RBM12: variants seen among roughly 807,000 people sequenced by gnomAD.
RBM12 encodes the protein RNA-binding protein 12.
A neutral mutation model predicts 37.2 loss-of-function variants in RBM12; 24 were observed. The observed-to-expected ratio is 0.65, with a 90% confidence interval of 0.47 to 0.91. The LOEUF (loss-of-function observed/expected upper bound fraction) is 0.91. Ranked by LOEUF, RBM12 falls within the 40% of genes least tolerant of loss-of-function variation. RBM12 has a pLI of 0.00. For missense variants in RBM12, 1,061 were observed against 1,183.2 expected, an observed-to-expected ratio of 0.90 and a Z score of 1.52; for synonymous variants, 420 against 425.2, an observed-to-expected ratio of 0.99 and a Z score of 0.15.
At chr20:35,661,665 T>C (rs1006500384) in intron 1 of RBM12, among the ~76,000 whole-genome samples, 3 of 152,204 alleles carry the variant, frequency 2.0e-5, no homozygotes, top group Admixed American at 2.0e-4. Context: ...AAATTTAACA[T>C]ATTATGGCAA....
chr20:35,659,659 T>G (rs1462980919), intron 1 of RBM12, among the ~76,000 whole-genome samples: 2 of 152,002 alleles, frequency 1.3e-5, no homozygotes, highest in African/African-American at 2.4e-5. Context: ...CTTGTAAAAT[T>G]TAAATAAATA....
At chr20:35,656,752 C>T (rs1402515585) in intron 2 of RBM12, among the ~76,000 whole-genome samples, 3 of 152,132 alleles carry the variant, frequency 2.0e-5, no homozygotes, top group Non-Finnish European at 2.9e-5. Flanking sequence ...GGTGATCCAC[C>T]CTCCTCAGTC....
At position 35,650,880 on chromosome 20, in the gene RBM12, C is replaced by T. The variant is rs1041542548; in HGVS notation, c.*1644G>A. 4 of 152,490 alleles carry T rather than the reference C, an allele frequency of 2.6e-5. No individual in the cohort carries two copies. Among genetic ancestry groups the T allele is most frequent in the Non-Finnish European group, 5.9e-5 (4 of 68,000 alleles). The allele number at this position is 152,490 out of a possible 1,614,324, so 9.4% of individuals were successfully genotyped here. A position where few individuals can be genotyped will look rare whatever the true frequency, so the allele number is the denominator to read the frequency against. On this transcript the variant is annotated 3_prime_UTR_variant, in exon 3 of 3. Coordinates refer to ENST00000374114, the MANE Select transcript of RBM12 (RefSeq NM_006047.6). ...GAAATACTTATTTTAAAAGACTGAC[C>T]CCTTTGTAACTACGCTGATTTGTAG...
Position 35,651,065 on chromosome 20 carries a change from G to A in RBM12, c.*1459C>T, listed in dbSNP as rs942490990. 9.9e-5 allele frequency: 15 copies of A among 152,226 alleles called. No individual in the cohort carries two copies. Among genetic ancestry groups the A allele is most frequent in the African/African-American group, 3.6e-4 (15 of 41,434 alleles). 9.4% of individuals were successfully genotyped at this position (152,226 alleles called of 1,614,324 possible). ...AGTAACCATAACTAGAGCCCTGTAA[G>A]GCCAAGTTTTTCATCACAAGGAAAG... On this transcript the variant is annotated 3_prime_UTR_variant, in exon 3 of 3. Transcript: ENST00000374114.
In RBM12 at chr20:35,654,831, A is replaced by G. The variant is rs959676201; in HGVS notation, c.492T>C (p.Ala164=). ...AGCTAAACGTTGGGCTCCCAAAGGAAGCCCCCATATTTGGAGGAGCTGTTC... is the reference window on the plus strand; with the variant it reads ...AGCTAAACGTTGGGCTCCCAAAGGAGGCCCCCATATTTGGAGGAGCTGTTC... ...SVGTAPPNMG[A]SFGSPTFSST... Residue 164 remains alanine (A), a synonymous_variant, in exon 3 of 3, where the codon GCT becomes GCC. Transcript: ENST00000374114. 2 of 1,614,228 alleles carry G rather than the reference A, an allele frequency of 1.2e-6. No homozygotes were observed. The highest frequency in any genetic ancestry group is 1.3e-5 in the African/African-American group (1 of 75,052).
rs1489245900 is a variant in RBM12, at chr20:35,653,987, C to T, written c.1336G>A (p.Val446Ile). The T allele has an allele frequency of 6.2e-7, 1 of 1,614,006 alleles. No individual in the cohort carries two copies. Among genetic ancestry groups the T allele is most frequent in the East Asian group, 2.2e-5 (1 of 44,898 alleles). Residue 446 changes from valine to isoleucine, a missense_variant, in exon 3 of 3, where the codon GTC becomes ATC. By Grantham distance (29) the Val-to-Ile change is conservative. Around this residue, in one of 3 missense-constraint regions of RBM12, gnomAD observed 540 missense variants for 632.7 expected, o/e 0.85. Transcript: ENST00000374114. ...GLPFEAENKH[V>I]IDFFKKLDIV... is the part of the protein sequence containing the mutation. ...TCCAGCTTTTTAAAAAAATCAATGA[C>T]ATGTTTGTTTTCTGCTTCAAATGGT...
chr20:35,653,431 G>C lies in RBM12; in HGVS notation c.1892C>G (p.Pro631Arg). The C allele has an allele frequency of 6.2e-7, 1 of 1,614,064 alleles. No individual in the cohort carries two copies. Among genetic ancestry groups the C allele is most frequent in the Non-Finnish European group, 8.5e-7 (1 of 1,179,992 alleles). ...LEDMREIEKN[P>R]PAQGKKGLKM... ...TAATCCCTTTTTTCCTTGGGCAGGG[G>C]GATTTTTCTCAATCTCTCTCATATC... Residue 631 changes from proline to arginine, a missense_variant, in exon 3 of 3, where the codon CCC (proline) becomes CGC (arginine). Physicochemically the swap from Pro to Arg is moderately radical, Grantham distance 103. Around this residue, in one of 3 missense-constraint regions of RBM12, gnomAD observed 517 missense variants for 534.0 expected, o/e 0.97. Coordinates refer to ENST00000374114, the MANE Select transcript of RBM12 (RefSeq NM_006047.6).
In RBM12 at chr20:35,653,931, A is replaced by G. The variant is rs143803163; in HGVS notation, c.1392T>C (p.Tyr464=). The part of the protein sequence containing the change: ...DIVEDSIYIA[Y]GPNGKATGEG... The stretch of plus-strand genomic sequence containing the variant: ...CGCCAGTTGCTTTCCCATTGGGTCC[A>G]TAAGCTATATAAATACTATCTTCCA... Residue 464 remains tyrosine, a synonymous_variant, in exon 3 of 3, where the codon TAT becomes TAC. Coordinates refer to ENST00000374114, the MANE Select transcript of RBM12 (RefSeq NM_006047.6). The G allele has an allele frequency of 2.4e-5, 38 of 1,614,080 alleles. No individual in the cohort carries two copies. Among genetic ancestry groups the G allele is most frequent in the Non-Finnish European group, 3.1e-5 (36 of 1,180,044 alleles).
chr20:35,653,847 T>C lies in RBM12; in HGVS notation c.1476A>G (p.Lys492=). The part of the protein sequence containing the change: ...ADYKAALCRH[K]QYMGNRFIQV... ...GAATAAAGCGATTGCCCATGTACTG[T>C]TTATGACGACACAGAGCAGCCTTAT... The change falls in exon 3 of 3, where the codon AAA becomes AAG. Residue 492 remains lysine (K), a synonymous_variant. Transcript: ENST00000374114. The C allele has an allele frequency of 6.2e-7, 1 of 1,613,946 alleles. No homozygotes were observed. The highest frequency in any genetic ancestry group is 1.6e-4 in the Middle Eastern group (1 of 6,062).
chr20:35,652,413 T>C lies in RBM12; in HGVS notation c.*111A>G. 2.4e-6 allele frequency: 3 copies of C among 1,259,700 alleles called. No homozygotes were observed. The highest frequency in any genetic ancestry group is 1.5e-5 in the African/African-American group (1 of 66,624). The allele number at this position is 1,259,700 out of a possible 1,614,324, so 78.0% of individuals were successfully genotyped here. ...GCTCTATGTTATGGAAACCAAGCTA[T>C]ATGCAATTGAAACAATCCACAGGTT... is the stretch of plus-strand genomic sequence containing the variant. On this transcript the variant is annotated 3_prime_UTR_variant, in exon 3 of 3. Transcript: ENST00000374114.
chr20:35,653,511 T>C lies in RBM12; in HGVS notation c.1812A>G (p.Leu604=), dbSNP rs1449147439. 6.2e-7 allele frequency: 1 copy of C among 1,614,128 alleles called. No homozygotes were observed. Among genetic ancestry groups the C allele is most frequent in the Non-Finnish European group, 8.5e-7 (1 of 1,180,054 alleles). The part of the protein sequence containing the change: ...NEDDARKSER[L]HRKKLNGREA... ...CTCTCCCATTAAGTTTTTTACGGTG[T>C]AAGCGTTCAGACTTACGTGCATCAT... Residue 604 remains leucine, a synonymous_variant, in exon 3 of 3, where the codon TTA becomes TTG. Transcript: ENST00000374114.
intron 1 of RBM12, among the ~76,000 whole-genome samples, chr20:35,661,120 A>C (rs2034210161): frequency 6.6e-6 from 1 of 152,098 alleles, no homozygotes. Flanking sequence ...TACCCACCCC[A>C]CCCCATACCA....
rs1236794658 is a variant in RBM12 at position 35,654,768 on chromosome 20, G to T, written c.555C>A (p.Val185=). The T allele has an allele frequency of 6.2e-7, 1 of 1,613,874 alleles. No homozygotes were observed. Among genetic ancestry groups the T allele is most frequent in the South Asian group, 1.1e-5 (1 of 91,068 alleles). Residue 185 remains valine (V), a synonymous_variant, in exon 3 of 3, where the codon GTC becomes GTA. Coordinates refer to ENST00000374114, the MANE Select transcript of RBM12 (RefSeq NM_006047.6). Reference sequence around the variant, plus strand: ...GAATTGGAGGAATTGGTGGCGGCGGGACTGTGTTCATTGGAGAGGCTGTGC... The same window carrying T: ...GAATTGGAGGAATTGGTGGCGGCGGTACTGTGTTCATTGGAGAGGCTGTGC... ...VPSTASPMNT[V]PPPPIPPIPA... is the part of the protein sequence containing the mutation.
chr20:35,656,422 CCCTTTG>C (rs1300261460), intron 2 of RBM12, among the ~76,000 whole-genome samples: 1 of 152,170 alleles, frequency 6.6e-6, no homozygotes, highest in Non-Finnish European at 1.5e-5. Flanking sequence ...TCAAGGGCAG[CCCTTTG>C]GAAAGTGACA....
In RBM12 at chr20:35,652,981, C is replaced by T; in HGVS notation, c.2342G>A (p.Gly781Glu). 1.2e-6 allele frequency: 2 copies of T among 1,613,816 alleles called. No individual in the cohort carries two copies. Among genetic ancestry groups the T allele is most frequent in the Non-Finnish European group, 1.7e-6 (2 of 1,180,022 alleles). ...GFGGGPNNLSGPSGFGGGPQN... is the reference protein window; with the variant it reads ...GFGGGPNNLSEPSGFGGGPQN... ...AGGGCCCCCTCCAAATCCCGATGGC[C>T]CACTTAAATTGTTTGGTCCACCTCC... Residue 781 changes from glycine (G) to glutamate (E), a missense_variant, in exon 3 of 3, where the codon GGG becomes GAG. By Grantham distance (98) the Gly-to-Glu change is moderately conservative (BLOSUM62 -2). Around this residue, in one of 3 missense-constraint regions of RBM12, gnomAD observed 517 missense variants for 534.0 expected, o/e 0.97. Transcript: ENST00000374114.
Position 35,654,361 on chromosome 20 carries a change from C to G in RBM12, c.962G>C (p.Arg321Thr). The change falls in exon 3 of 3, where the codon AGA becomes ACA. Residue 321 changes from arginine to threonine, a missense_variant. This residue lies in a region of RBM12 where 540 missense variants were observed against 632.7 expected (regional missense o/e 0.85). Coordinates refer to ENST00000374114, the MANE Select transcript of RBM12 (RefSeq NM_006047.6). ...AACACGGAGCCCATGAAAAAAATCT[C>G]TGACATCATTTTCCATTGCAGAAAA... ...MPFSAMENDV[R>T]DFFHGLRVDA... is the part of the protein sequence containing the mutation. The G allele has an allele frequency of 6.2e-7, 1 of 1,614,230 alleles. No homozygotes were observed. Among genetic ancestry groups the G allele is most frequent in the Non-Finnish European group, 8.5e-7 (1 of 1,180,044 alleles).
At chr20:35,657,231 T>C (rs2033950455) in intron 2 of RBM12, among the ~76,000 whole-genome samples, 1 of 152,096 alleles carries the variant, frequency 6.6e-6, no homozygotes. Flanking sequence ...ACAAGAAAAA[T>C]TAACGCTAAA....
At chr20:35,658,479 C>T (rs769295658) in intron 2 of RBM12, among the ~76,000 whole-genome samples, 5 of 152,096 alleles carry the variant, frequency 3.3e-5, no homozygotes, top group South Asian at 2.1e-4. Context: ...AAAACCACAC[C>T]GGCCTGGGTG....
Position 35,654,460 on chromosome 20 carries a change from A to C in RBM12, c.863T>G (p.Met288Arg), listed in dbSNP as rs2033762930. ...TGGCTTCACACTGCTCTGAGAGTTC[A>C]TCTGGATAGGGTTAACAGGATTCAA... ...GPLNPVNPIQ[M>R]NSQSSVKPLP... is the part of the protein sequence containing the mutation. Residue 288 changes from methionine to arginine, a missense_variant, in exon 3 of 3, where the codon ATG becomes AGG. This residue lies in a region of RBM12 where 540 missense variants were observed against 632.7 expected (regional missense o/e 0.85). Coordinates refer to ENST00000374114, the MANE Select transcript of RBM12 (RefSeq NM_006047.6). 3 of 1,614,088 alleles carry C rather than the reference A, an allele frequency of 1.9e-6. No individual in the cohort carries two copies. The highest frequency in any genetic ancestry group is 1.7e-6 in the Non-Finnish European group (2 of 1,180,048).
Sources: allele counts gnomAD v4.1 joint callset (sites outside exome capture counted in the v4.1 genomes callset), GRCh38; gene constraint gnomAD v4.1.1; regional missense constraint gnomAD v4.1.1; transcripts MANE v1.5; gene names NCBI Gene and HGNC (gene_info 2026-07-23, HGNC 2026-07-21).